LMO7: variants seen among roughly 807,000 people sequenced by gnomAD.
LMO7 encodes LIM domain 7.
A neutral mutation model predicts 206.5 loss-of-function variants in LMO7; 120 were observed. That is an observed-to-expected ratio of 0.58 (90% CI 0.50 to 0.68). The LOEUF (loss-of-function observed/expected upper bound fraction) is 0.68, where lower values mean the gene tolerates loss of function less well. Among genes scored for constraint, LMO7 ranks in the 30% least tolerant of loss-of-function variants. The pLI is 0.00. For missense variants in LMO7, 1,959 were observed against 1,957.9 expected (o/e 1.00, Z -0.01); for synonymous variants, 706 against 681.5 (o/e 1.04, Z -0.56).
At chr13:75,854,334 A>T (rs2060745915) in intron 28 of LMO7, among the ~76,000 whole-genome samples, 1 of 152,210 alleles carries the variant, frequency 6.6e-6, no homozygotes, top group South Asian at 2.1e-4. Flanking sequence ...TAGTATATAA[A>T]GTGTGTATCA....
At chr13:75,772,752 T>C (rs1025378118) in intron 4 of LMO7, among the ~76,000 whole-genome samples, 2 of 152,072 alleles carry the variant, frequency 1.3e-5, no homozygotes, top group South Asian at 2.1e-4. Context: ...TCTGGAGATA[T>C]GGGGGAGTTT....
intron 3 of LMO7, among the ~76,000 whole-genome samples, chr13:75,745,879 G>A (rs528104940): frequency 6.6e-6 from 1 of 152,314 alleles, no homozygotes; most frequent in East Asian, 1.9e-4. Flanking sequence ...GAGGCTTGCT[G>A]CCTTAGAGAG....
chr13:75,838,506 A>C, intron 20 of LMO7: 1 of 414,658 alleles, frequency 2.4e-6, no homozygotes, highest in African/African-American at 2.1e-5. Context: ...ACTTGTTTCC[A>C]CTGGGTAACA....
chr13:75,835,122 G>C, intron 17 of LMO7, 111 bp from the exon 18 acceptor site: 1 of 1,432,598 alleles, frequency 7.0e-7, no homozygotes, highest in Non-Finnish European at 9.4e-7. Context: ...ACATCTATGT[G>C]TACTCATTTG....
At chr13:75,827,913 G>T (rs2058280418) in intron 15 of LMO7, among the ~76,000 whole-genome samples, 1 of 152,168 alleles carries the variant, frequency 6.6e-6, no homozygotes, top group Non-Finnish European at 1.5e-5. Flanking sequence ...GGATATAGTA[G>T]TCAGAGCTTC....
intron 3 of LMO7, among the ~76,000 whole-genome samples, chr13:75,735,377 A>C (rs2045713225): frequency 6.6e-6 from 1 of 152,134 alleles, no homozygotes; most frequent in Non-Finnish European, 1.5e-5. Flanking sequence ...ACACACACAC[A>C]CACACAACTT....
intron 11 of LMO7, among the ~76,000 whole-genome samples, chr13:75,812,254 ATAAATC>A (rs2141183367): frequency 6.6e-6 from 1 of 152,360 alleles, no homozygotes; most frequent in Non-Finnish European, 1.5e-5. Flanking sequence ...CATTGAGACT[ATAAATC>A]TATAAATGAA....
chr13:75,642,833 GT>G (rs977224026), intron 1 of LMO7, among the ~76,000 whole-genome samples: 4 of 152,148 alleles, frequency 2.6e-5, no homozygotes, highest in African/African-American at 9.7e-5. Flanking sequence ...TGAAAGACAT[GT>G]TGTCCTATTT....
intron 2 of LMO7, among the ~76,000 whole-genome samples, chr13:75,716,958 G>A (rs1002595235): frequency 6.8e-6 from 1 of 147,654 alleles, no homozygotes; most frequent in African/African-American, 2.5e-5. Context: ...GATTGGGTGT[G>A]TCAGTGGTTA....
At chr13:75,744,345 G>A (rs985293247) in intron 3 of LMO7, among the ~76,000 whole-genome samples, 1 of 152,154 alleles carries the variant, frequency 6.6e-6, no homozygotes, top group Non-Finnish European at 1.5e-5. Flanking sequence ...ACACTTCCTA[G>A]AGTTCCAAAA....
intron 3 of LMO7, among the ~76,000 whole-genome samples, chr13:75,732,780 G>T (rs2045382736): frequency 6.6e-6 from 1 of 152,086 alleles, no homozygotes; most frequent in Non-Finnish European, 1.5e-5. Context: ...TTTGATGATG[G>T]TGATGTACAG....
In LMO7 at chr13:75,821,601, T is replaced by A. The variant is rs1426449266; in HGVS notation, c.2632T>A (p.Ser878Thr). Reference protein sequence around the residue: ...QTRGISSLPRSYTMDDAWKYN... With the variant: ...QTRGISSLPRTYTMDDAWKYN... ...AAGGGGAATCTCATCACTCCCCAGA[T>A]CTTACACGGTAAAAAATGTTCTCGG... Residue 878 changes from serine to threonine, a missense_variant, in exon 14 of 31, where the codon TCT becomes ACT. Physicochemically the swap from Ser to Thr is moderately conservative, Grantham distance 58 (BLOSUM62 1). Transcript: ENST00000377534. 1 of 1,608,958 alleles carries A rather than the reference T, an allele frequency of 6.2e-7. No individual in the cohort carries two copies. Among genetic ancestry groups the A allele is most frequent in the Admixed American group, 1.7e-5 (1 of 59,450 alleles).
At chr13:75,730,422 T>C (rs1158251165) in intron 3 of LMO7, among the ~76,000 whole-genome samples, 1 of 152,030 alleles carries the variant, frequency 6.6e-6, no homozygotes, top group African/African-American at 2.4e-5. Context: ...GCGTAGAGGG[T>C]TTTGTAGTAT....
chr13:75,658,823 T>C (rs913048925), intron 1 of LMO7, among the ~76,000 whole-genome samples: 1 of 151,686 alleles, frequency 6.6e-6, no homozygotes, highest in African/African-American at 2.4e-5. Flanking sequence ...TCTCCTGACC[T>C]CATGATCCTC....
chr13:75,845,186 G>C, intron 25 of LMO7, 141 bp from the exon 26 acceptor site: 1 of 461,478 alleles, frequency 2.2e-6, no homozygotes, highest in Non-Finnish European at 3.8e-6. Context: ...AAAATTTCTT[G>C]GTTTAAACAT....
intron 1 of LMO7, among the ~76,000 whole-genome samples, chr13:75,672,545 A>G (rs879258549): frequency 2.6e-5 from 4 of 152,056 alleles, no homozygotes; most frequent in African/African-American, 4.8e-5. Flanking sequence ...CTCTTTTGCT[A>G]TTTGCCCTTT....
chr13:75,687,791 T>G (rs2139592055), intron 1 of LMO7, among the ~76,000 whole-genome samples: 1 of 152,310 alleles, frequency 6.6e-6, no homozygotes, highest in South Asian at 2.1e-4. Flanking sequence ...TACTTATGAT[T>G]AATCCATTAT....
chr13:75,753,171 G>A (rs1018406937), intron 3 of LMO7, among the ~76,000 whole-genome samples: 2 of 152,070 alleles, frequency 1.3e-5, no homozygotes, highest in African/African-American at 4.8e-5. Context: ...GCATTTCTCT[G>A]ACTAGTAATG....
intron 4 of LMO7, among the ~76,000 whole-genome samples, chr13:75,789,380 G>A (rs141282545): frequency 1.7e-4 from 26 of 152,234 alleles, no homozygotes; most frequent in South Asian, 1.0e-3. Context: ...GCCTTCCAGC[G>A]TTGCAAATGA....
Sources: gnomAD v4.1 joint callset for allele counts (sites outside exome capture counted in the v4.1 genomes callset) on GRCh38, gnomAD v4.1.1 for gene constraint, MANE v1.5 for transcripts, NCBI Gene and HGNC (gene_info 2026-07-23, HGNC 2026-07-21) for gene names.